The following PTPRD variants were observed in gnomAD, a reference collection of about 807,000 sequenced individuals.
PTPRD encodes protein tyrosine phosphatase receptor type D.
In PTPRD, 34 loss-of-function variants were observed where a neutral mutation model predicts 214.5. The ratio of observed to expected loss-of-function variants is 0.16; its 90% CI spans 0.12 to 0.21. PTPRD has a LOEUF of 0.21. Ranked by LOEUF, PTPRD falls within the 10% of genes least tolerant of loss-of-function variation. The pLI is 1.00. For synonymous variants in PTPRD, 1,128 were observed against 845.7 expected, an observed-to-expected ratio of 1.33 and a Z score of -5.79; for missense variants, 2,545 against 2,398.7, an observed-to-expected ratio of 1.06 and a Z score of -1.27.
chr9:8,808,477 T>TC (rs1390487576), intron 11 of PTPRD, among the ~76,000 whole-genome samples: 1 of 149,376 alleles, frequency 6.7e-6, no homozygotes, highest in African/African-American at 2.5e-5. Flanking sequence ...TTTTTTTTTT[T>TC]TTTTTTTTGG....
chr9:10,594,990 A>G (rs909992878), intron 2 of PTPRD, among the ~76,000 whole-genome samples: 2 of 148,550 alleles, frequency 1.3e-5, no homozygotes, highest in Non-Finnish European at 3.0e-5. Flanking sequence ...TTTCCCCCCA[A>G]AGCTCAATGA....
intron 3 of PTPRD, among the ~76,000 whole-genome samples, chr9:10,240,221 G>C (rs917983562): frequency 2.0e-5 from 3 of 151,898 alleles, no homozygotes; most frequent in African/African-American, 7.2e-5. Flanking sequence ...AATAAAAACA[G>C]ATCGTTTTCT....
chr9:9,376,763 A>G (rs1024249873), intron 9 of PTPRD, among the ~76,000 whole-genome samples: 2 of 152,136 alleles, frequency 1.3e-5, no homozygotes, highest in African/African-American at 4.8e-5. Flanking sequence ...AAGCAGTATA[A>G]CATTTTGTTC....
intron 4 of PTPRD, among the ~76,000 whole-genome samples, chr9:9,947,344 ATAATATATATT>A (rs1261943610): frequency 1.7e-5 from 1 of 57,844 alleles, no homozygotes; most frequent in African/African-American, 1.0e-4. Flanking sequence ...TATTATATAT[ATAATATATATT>A]ATATATATTA....
At chr9:9,872,639 A>G (rs1406585254) in intron 5 of PTPRD, among the ~76,000 whole-genome samples, 4 of 152,154 alleles carry the variant, frequency 2.6e-5, no homozygotes, top group Non-Finnish European at 4.4e-5. Context: ...ACACAGCTTT[A>G]CAAGGAGATA....
chr9:9,325,477 T>G (rs998692809), intron 9 of PTPRD, among the ~76,000 whole-genome samples: 5 of 152,056 alleles, frequency 3.3e-5, no homozygotes, highest in Admixed American at 6.6e-5. Context: ...GGTCACTCAT[T>G]ATTTGGCTCT....
chr9:9,519,906 A>G (rs1433885706), intron 8 of PTPRD, among the ~76,000 whole-genome samples: 2 of 152,068 alleles, frequency 1.3e-5, no homozygotes, highest in African/African-American at 4.8e-5. Context: ...TCCACTGATG[A>G]TCACATCTTA....
At chr9:10,131,002 C>A (rs555875718) in intron 3 of PTPRD, among the ~76,000 whole-genome samples, 1 of 152,066 alleles carries the variant, frequency 6.6e-6, no homozygotes, top group East Asian at 1.9e-4. Flanking sequence ...AAGCTACCAT[C>A]AAATGCAAGA....
chr9:10,588,845 C>T (rs543995295), intron 2 of PTPRD, among the ~76,000 whole-genome samples: 1 of 152,110 alleles, frequency 6.6e-6, no homozygotes, highest in East Asian at 1.9e-4. Flanking sequence ...CCTATACTCC[C>T]TTTACTGCTT....
chr9:9,027,344 T>C (rs1376710576), intron 10 of PTPRD, among the ~76,000 whole-genome samples: 1 of 151,904 alleles, frequency 6.6e-6, no homozygotes, highest in African/African-American at 2.4e-5. Context: ...CATTTGACAA[T>C]AGCTGTTACC....
rs752328317 is a variant in PTPRD, at chr9:8,545,617, T to C, written c.353-16838A>G. On this transcript the variant is annotated intron_variant, in intron 14 of 45. Transcript: ENST00000381196. ...TGTTTTACAGTCAAAGTCATGCTCT[T>C]TGGTAAATATTCTGAAGTGTTTGAC... Among the ~76,000 whole-genome samples, 3 of 152,200 alleles carry C rather than the reference T, an allele frequency of 2.0e-5. No homozygotes were observed. The East Asian group carries it at 5.8e-4, about 29-fold the overall frequency.
chr9:8,899,530 G>A (rs959097708), intron 11 of PTPRD, among the ~76,000 whole-genome samples: 1 of 152,050 alleles, frequency 6.6e-6, no homozygotes, highest in Admixed American at 6.6e-5. Context: ...GAAATTTTCT[G>A]GAAAAGTGCA....
chr9:10,092,141 A>G (rs1158059427), intron 3 of PTPRD, among the ~76,000 whole-genome samples: 1 of 151,486 alleles, frequency 6.6e-6, no homozygotes, highest in Admixed American at 6.6e-5. Context: ...AACTTAAGGG[A>G]ATAGCTGTGT....
In PTPRD at chr9:8,762,595, G is replaced by A. The variant is rs573008110; in HGVS notation, c.-103-28649C>T. Among the ~76,000 whole-genome samples the A allele has an allele frequency of 3.9e-5, 6 of 152,190 alleles. No individual in the cohort carries two copies. The East Asian group carries it at 7.7e-4, about 20-fold the overall frequency. On this transcript the variant is annotated intron_variant, in intron 11 of 45. Coordinates refer to ENST00000381196, the MANE Select transcript of PTPRD (RefSeq NM_002839.4). ...TAACCTATCATGTCACCAGATGAAC[G>A]GGCTCCTTCAATAGAAAACCTCTTT... is the stretch of plus-strand genomic sequence containing the variant.
intron 34 of PTPRD, among the ~76,000 whole-genome samples, chr9:8,439,164 CTGTGTGA>C (rs2095457989): frequency 1.3e-5 from 2 of 152,150 alleles, no homozygotes; most frequent in Admixed American, 6.5e-5. Flanking sequence ...GGAGGAGAAT[CTGTGTGA>C]ATCCAATGGT....
At chr9:9,979,933 T>C (rs1047256541) in intron 4 of PTPRD, among the ~76,000 whole-genome samples, 1 of 152,172 alleles carries the variant, frequency 6.6e-6, no homozygotes, top group Non-Finnish European at 1.5e-5. Context: ...AATCCAGTTA[T>C]GACACTGAGA....
intron 5 of PTPRD, among the ~76,000 whole-genome samples, chr9:9,933,312 T>C (rs2087578001): frequency 6.6e-6 from 1 of 152,098 alleles, no homozygotes; most frequent in South Asian, 2.1e-4. Flanking sequence ...GACCCATCAG[T>C]GTGCTGTATT....
chr9:9,975,539 C>T (rs572239316), intron 4 of PTPRD, among the ~76,000 whole-genome samples: 103 of 152,308 alleles, frequency 6.8e-4, no homozygotes, highest in African/African-American at 1.9e-3. Context: ...AGGCATTCAG[C>T]GTCTCAGACT....
chr9:10,556,537 G>A (rs998248205), intron 2 of PTPRD, among the ~76,000 whole-genome samples: 2 of 152,030 alleles, frequency 1.3e-5, no homozygotes, highest in African/African-American at 4.8e-5. Context: ...CGTAATTAAA[G>A]AAAGGCCCTC....
Sources: gnomAD v4.1 joint callset for allele counts (sites outside exome capture counted in the v4.1 genomes callset) on GRCh38, gnomAD v4.1.1 for gene constraint, MANE v1.5 for transcripts, NCBI Gene and HGNC (gene_info 2026-07-23, HGNC 2026-07-21) for gene names.